CDC42EP5: variants seen among roughly 807,000 people sequenced by gnomAD.
The protein encoded by CDC42EP5 is CDC42 effector protein 5, also known as CDC42 effector protein (Rho GTPase binding) 5.
For missense variants in CDC42EP5, 269 were observed against 238.0 expected (o/e 1.13, Z -0.86); for synonymous variants, 118 against 123.3 (o/e 0.96, Z 0.28).
intron 2 of CDC42EP5, among the ~76,000 whole-genome samples, chr19:54,468,324 G>A (rs941443948): frequency 1.3e-5 from 2 of 149,574 alleles, no homozygotes; most frequent in East Asian, 2.0e-4. Context: ...AATTGTAGAT[G>A]GCTAGATTCT....
chr19:54,465,220 C>A lies in CDC42EP5; in HGVS notation c.328G>T (p.Ala110Ser). Residue 110 changes from alanine to serine, a missense_variant, in exon 3 of 3, where the codon GCG becomes TCG. Ala to Ser is a moderately conservative substitution (Grantham distance 99). Transcript: ENST00000301200. ...LDAVLGVMDA[A>S]RPEAAAAKPD... ...TTGGCGGCAGCCGCCTCCGGGCGCGCCGCGTCCATGACGCCCAGCACCGCG... is the reference window on the plus strand; with the variant it reads ...TTGGCGGCAGCCGCCTCCGGGCGCGACGCGTCCATGACGCCCAGCACCGCG... 1 of 1,441,490 alleles carries A rather than the reference C, an allele frequency of 6.9e-7. No homozygotes were observed. The highest frequency in any genetic ancestry group is 9.1e-7 in the Non-Finnish European group (1 of 1,101,570). The allele number at this position is 1,441,490 out of a possible 1,614,324, so 89.3% of individuals were successfully genotyped here.
intron 2 of CDC42EP5, among the ~76,000 whole-genome samples, chr19:54,471,270 G>A (rs1295160075): frequency 1.3e-5 from 2 of 152,076 alleles, no homozygotes; most frequent in Non-Finnish European, 2.9e-5. Flanking sequence ...GGCTCCAGCT[G>A]CAGGGTGGCG....
intron 2 of CDC42EP5, among the ~76,000 whole-genome samples, chr19:54,470,350 C>A (rs533335510): frequency 6.8e-6 from 1 of 146,558 alleles, no homozygotes; most frequent in East Asian, 2.0e-4. Flanking sequence ...TCAGCCTGGG[C>A]AACAGAAAGA....
chr19:54,468,287 A>G (rs1600051980), intron 2 of CDC42EP5, among the ~76,000 whole-genome samples: 2 of 152,034 alleles, frequency 1.3e-5, no homozygotes, highest in East Asian at 3.8e-4. Flanking sequence ...AATATGGAGG[A>G]AAATGAAAGC....
chr19:54,468,473 T>C (rs148541146), intron 2 of CDC42EP5, among the ~76,000 whole-genome samples: 2 of 152,274 alleles, frequency 1.3e-5, no homozygotes, highest in Non-Finnish European at 2.9e-5. Context: ...TGAATAAATA[T>C]ATTTTTATCG....
At chr19:54,469,406 C>A (rs1337808899) in intron 2 of CDC42EP5, among the ~76,000 whole-genome samples, 2 of 152,166 alleles carry the variant, frequency 1.3e-5, no homozygotes, top group East Asian at 3.8e-4. Flanking sequence ...TAGCTGCTAA[C>A]AGAGCCTATG....
At chr19:54,465,571 G>C (rs1360648221) in intron 2 of CDC42EP5, 24 bp from the exon 3 acceptor site, 1 of 1,457,332 alleles carries the variant, frequency 6.9e-7, no homozygotes, top group African/African-American at 1.5e-5. Flanking sequence ...GGGAGGGTCA[G>C]CGCGGCCCCA....
intron 2 of CDC42EP5, among the ~76,000 whole-genome samples, chr19:54,470,872 T>C (rs2084826029): frequency 6.6e-6 from 1 of 152,184 alleles, no homozygotes; most frequent in African/African-American, 2.4e-5. Context: ...TGATTTGATA[T>C]GAAGGCGAGA....
intron 2 of CDC42EP5, among the ~76,000 whole-genome samples, chr19:54,470,540 A>AGG (rs1569325374): frequency 7.2e-5 from 11 of 151,734 alleles, no homozygotes; most frequent in East Asian, 1.9e-4. Context: ...GAAGGAAGGA[A>AGG]AAAGAAAGAA....
Position 54,465,162 on chromosome 19 carries a change from G to C in CDC42EP5, c.386C>G (p.Pro129Arg). 2.1e-6 allele frequency: 3 copies of C among 1,412,154 alleles called. No individual in the cohort carries two copies. Among genetic ancestry groups the C allele is most frequent in the Non-Finnish European group, 1.8e-6 (2 of 1,090,990 alleles). The allele number at this position is 1,412,154 out of a possible 1,614,324, so 87.5% of individuals were successfully genotyped here. ...GTTGGGGCGGCAGCGGGCCTGGGGG[G>C]GCTGCGTCCCGGGGCGGGGTTCCGC... Reference protein sequence around the residue: ...PDAEPRPGTQPPQARCRPNAD... With the variant: ...PDAEPRPGTQRPQARCRPNAD... Residue 129 changes from proline to arginine, a missense_variant, in exon 3 of 3, where the codon CCC becomes CGC. Coordinates refer to ENST00000301200, the MANE Select transcript of CDC42EP5 (RefSeq NM_145057.4).
chr19:54,468,636 C>T (rs987702944), intron 2 of CDC42EP5, among the ~76,000 whole-genome samples: 4 of 151,956 alleles, frequency 2.6e-5, no homozygotes, highest in Non-Finnish European at 4.4e-5. Context: ...CTCCGCCTCC[C>T]GGACTCAAGC....
intron 1 of CDC42EP5, 141 bp from the exon 2 acceptor site, chr19:54,471,826 G>T: frequency 5.8e-6 from 1 of 172,128 alleles, no homozygotes; most frequent in Non-Finnish European, 1.2e-5. Context: ...AGACCCGAAA[G>T]TCAGGGGCCC....
chr19:54,470,552 AAAAG>A (rs1053637996), intron 2 of CDC42EP5, among the ~76,000 whole-genome samples: 23 of 151,980 alleles, frequency 1.5e-4, no homozygotes, highest in African/African-American at 4.3e-4. Flanking sequence ...AAGAAAGAAA[AAAAG>A]AAGGAAAGAA....
At chr19:54,467,948 A>G (rs1026584600) in intron 2 of CDC42EP5, among the ~76,000 whole-genome samples, 4 of 152,232 alleles carry the variant, frequency 2.6e-5, no homozygotes, top group African/African-American at 9.6e-5. Context: ...AGTCACTGTT[A>G]TCGCAATAAT....
chr19:54,472,580 G>GA (rs1264922636), intron 1 of CDC42EP5, among the ~76,000 whole-genome samples: 1 of 11,930 alleles, frequency 8.4e-5, no homozygotes, highest in African/African-American at 5.0e-4. Context: ...CAGGAGTCCA[G>GA]GCCCCCAGCC....
chr19:54,465,151 G>C lies in CDC42EP5; in HGVS notation c.397C>G (p.Arg133Gly). Residue 133 changes from arginine (R) to glycine (G), a missense_variant, in exon 3 of 3, where the codon CGC (arginine) becomes GGC (glycine). Coordinates refer to ENST00000301200, the MANE Select transcript of CDC42EP5 (RefSeq NM_145057.4). ...PRPGTQPPQA[R>G]CRPNADLELN... ...TCGAGGTCCGCGTTGGGGCGGCAGCGGGCCTGGGGGGGCTGCGTCCCGGGG... is the reference window on the plus strand; with the variant it reads ...TCGAGGTCCGCGTTGGGGCGGCAGCCGGCCTGGGGGGGCTGCGTCCCGGGG... 7.2e-7 allele frequency: 1 copy of C among 1,393,258 alleles called. No homozygotes were observed. The highest frequency in any genetic ancestry group is 9.2e-7 in the Non-Finnish European group (1 of 1,081,148). 86.3% of individuals were successfully genotyped at this position (1,393,258 alleles called of 1,614,324 possible).
chr19:54,470,315 T>TGA (rs1434168086), intron 2 of CDC42EP5, among the ~76,000 whole-genome samples: 1 of 151,200 alleles, frequency 6.6e-6, no homozygotes, highest in African/African-American at 2.4e-5. Context: ...GAGGCTGCAG[T>TGA]GAGGTATGAT....
At chr19:54,466,515 T>C (rs2084757871) in intron 2 of CDC42EP5, among the ~76,000 whole-genome samples, 1 of 152,194 alleles carries the variant, frequency 6.6e-6, no homozygotes, top group African/African-American at 2.4e-5. Flanking sequence ...AAGACAGGGC[T>C]GACTCTGTCC....
chr19:54,467,113 A>G (rs1211202410), intron 2 of CDC42EP5, among the ~76,000 whole-genome samples: 1 of 151,494 alleles, frequency 6.6e-6, no homozygotes, highest in East Asian at 2.0e-4. Flanking sequence ...TCTTGAGACT[A>G]CAACCTAACA....
Sources: allele counts gnomAD v4.1 joint callset (sites outside exome capture counted in the v4.1 genomes callset), GRCh38; gene constraint gnomAD v4.1.1; transcripts MANE v1.5; gene names NCBI Gene and HGNC (gene_info 2026-07-23, HGNC 2026-07-21).